Variants in COTL1 observed in about 807,000 individuals in gnomAD.
COTL1 encodes the protein coactosin-like protein.
COTL1 carries 15 observed loss-of-function variants against 16.5 expected under a neutral mutation model. The ratio of observed to expected loss-of-function variants is 0.91; its 90% CI spans 0.61 to 1.40. The LOEUF is 1.40. Among genes scored for constraint, COTL1 ranks in the 40% most tolerant of loss-of-function variants. COTL1 has a pLI of 0.00. For synonymous variants in COTL1, 112 were observed against 85.3 expected (o/e 1.31, Z -1.73); for missense variants, 220 against 201.5 (o/e 1.09, Z -0.56).
At chr16:84,588,221 A>AAATAATAATAATAAT (rs57708132) in intron 3 of COTL1, among the ~76,000 whole-genome samples, 68 of 150,348 alleles carry the variant, frequency 4.5e-4, no homozygotes, top group African/African-American at 1.6e-3. Flanking sequence ...TCTCTCTTAA[A>AAATAATAATAATAAT]AATAATAATA....
intron 2 of COTL1, among the ~76,000 whole-genome samples, chr16:84,613,087 G>C (rs1410119754): frequency 6.7e-6 from 1 of 150,262 alleles, no homozygotes; most frequent in African/African-American, 2.5e-5. Flanking sequence ...TGCAACCTCT[G>C]CCTCCTGGGT....
intron 3 of COTL1, among the ~76,000 whole-genome samples, chr16:84,586,296 C>A (rs1298881801): frequency 6.6e-6 from 1 of 152,240 alleles, no homozygotes. Flanking sequence ...TGTGCTTCAA[C>A]TTACTTGAGC....
chr16:84,605,267 G>A lies in COTL1; in HGVS notation c.160+12234C>T, dbSNP rs577391153. 7.2e-5 allele frequency among the ~76,000 whole-genome samples: 11 copies of A among 152,312 alleles called. No homozygotes were observed. In the East Asian group the frequency reaches 9.7e-4, roughly 13 times the overall value. On this transcript the variant is annotated intron_variant, in intron 2 of 3. Coordinates refer to ENST00000262428, the MANE Select transcript of COTL1 (RefSeq NM_021149.5). ...TGCAGGGGGTGTCAGGAGTGGGGGC[G>A]AGAAGCACACACGCCAGGTAAGAAT...
At chr16:84,577,612 A>G (rs1042960772) in intron 3 of COTL1, among the ~76,000 whole-genome samples, 11 of 152,196 alleles carry the variant, frequency 7.2e-5, no homozygotes, top group Non-Finnish European at 1.5e-4. Flanking sequence ...TCAAAATGGC[A>G]CGGGCTCGGG....
chr16:84,570,736 T>A (rs1452140430), intron 3 of COTL1, among the ~76,000 whole-genome samples: 1 of 152,226 alleles, frequency 6.6e-6, no homozygotes, highest in Non-Finnish European at 1.5e-5. Context: ...TTATTTTCCC[T>A]GTTGAAGGGC....
At chr16:84,599,353 G>C (rs188578382) in intron 2 of COTL1, among the ~76,000 whole-genome samples, 1 of 152,270 alleles carries the variant, frequency 6.6e-6, no homozygotes, top group East Asian at 1.9e-4. Flanking sequence ...CAAATGTTTT[G>C]AACAACCTTT....
chr16:84,588,260 C>G (rs1358179617), intron 3 of COTL1, among the ~76,000 whole-genome samples: 2 of 151,262 alleles, frequency 1.3e-5, no homozygotes, highest in South Asian at 2.1e-4. Context: ...TTTAGAAGAG[C>G]TTTGGAGTTA....
rs541474482 is a variant in COTL1 at position 84,608,252 on chromosome 16, G to C, written c.160+9249C>G. Among the ~76,000 whole-genome samples the C allele has an allele frequency of 5.6e-4, 85 of 152,308 alleles. 3 individuals carry two copies. In the South Asian group the frequency reaches 0.017, roughly 31 times the overall value. ...AATCTGTAAGGGATGCTTTCAAAAA[G>C]TTTGCATTAACTTCTGAATATTTTC... is the stretch of plus-strand genomic sequence containing the variant. On this transcript the variant is annotated intron_variant, in intron 2 of 3. Coordinates refer to ENST00000262428, the MANE Select transcript of COTL1 (RefSeq NM_021149.5).
intron 3 of COTL1, among the ~76,000 whole-genome samples, chr16:84,589,879 T>A (rs925233916): frequency 1.3e-5 from 2 of 152,148 alleles, no homozygotes; most frequent in African/African-American, 4.8e-5. Context: ...AAGCTTCTGT[T>A]ATGGGATAGG....
intron 2 of COTL1, among the ~76,000 whole-genome samples, chr16:84,593,405 G>A (rs908439903): frequency 1.1e-4 from 17 of 152,222 alleles, no homozygotes; most frequent in East Asian, 7.7e-4. Context: ...CCCATGCCCC[G>A]GGGACTGTGC....
chr16:84,613,070 G>A (rs1009742028), intron 2 of COTL1, among the ~76,000 whole-genome samples: 1 of 150,368 alleles, frequency 6.7e-6, no homozygotes, highest in South Asian at 2.1e-4. Flanking sequence ...GCGCGATCTC[G>A]GCTCACTGCA....
chr16:84,611,280 T>A lies in COTL1; in HGVS notation c.160+6221A>T, dbSNP rs138437004. Among the ~76,000 whole-genome samples, 773 of 152,336 alleles carry A rather than the reference T, an allele frequency of 5.1e-3. 10 individuals carry two copies. The highest frequency in any genetic ancestry group is 0.017 in the African/African-American group (719 of 41,558). ...GCCTGGATTCCTTCTAAAATAAAAC[T>A]GCTTGCAACACATAATTTGAGGTCC... On this transcript the variant is annotated intron_variant, in intron 2 of 3. Transcript: ENST00000262428.
chr16:84,574,510 C>T (rs796612576), intron 3 of COTL1, among the ~76,000 whole-genome samples: 7 of 152,324 alleles, frequency 4.6e-5, no homozygotes, highest in African/African-American at 1.7e-4. Context: ...CCTCATCCGA[C>T]GAAGTCTCAC....
chr16:84,570,343 G>C (rs558529086), intron 3 of COTL1, among the ~76,000 whole-genome samples: 1 of 152,124 alleles, frequency 6.6e-6, no homozygotes, highest in African/African-American at 2.4e-5. Context: ...GCTAGGCACA[G>C]GTCAACCTAA....
intron 3 of COTL1, among the ~76,000 whole-genome samples, chr16:84,572,989 A>C (rs1486005339): frequency 5.9e-5 from 9 of 152,060 alleles, no homozygotes; most frequent in Non-Finnish European, 1.5e-5. Flanking sequence ...CCTGAGATGA[A>C]GTGATCCACT....
At chr16:84,583,766 G>A (rs1904654294) in intron 3 of COTL1, among the ~76,000 whole-genome samples, 1 of 152,052 alleles carries the variant, frequency 6.6e-6, no homozygotes, top group Admixed American at 6.6e-5. Context: ...GGTTAGTCCT[G>A]GGGCTCAGAA....
chr16:84,614,602 G>A (rs922480411), intron 2 of COTL1, among the ~76,000 whole-genome samples: 1 of 152,110 alleles, frequency 6.6e-6, no homozygotes, highest in Non-Finnish European at 1.5e-5. Flanking sequence ...AGAAGAGCAG[G>A]ACCCCAGGAA....
intron 2 of COTL1, among the ~76,000 whole-genome samples, chr16:84,605,605 C>A (rs1292911513): frequency 6.6e-6 from 1 of 152,190 alleles, no homozygotes; most frequent in Non-Finnish European, 1.5e-5. Flanking sequence ...AGAGAGCTGG[C>A]ATCATGAGGA....
At chr16:84,584,635 C>T (rs1597172803) in intron 3 of COTL1, among the ~76,000 whole-genome samples, 1 of 152,232 alleles carries the variant, frequency 6.6e-6, no homozygotes, top group African/African-American at 2.4e-5. Context: ...AGCTGAGCAT[C>T]TGTATCTAGC....
Sources: allele counts gnomAD v4.1 joint callset (sites outside exome capture counted in the v4.1 genomes callset), GRCh38; gene constraint gnomAD v4.1.1; transcripts MANE v1.5; gene names NCBI Gene and HGNC (gene_info 2026-07-23, HGNC 2026-07-21).